DACH1: variants seen among roughly 807,000 people sequenced by gnomAD.
The protein encoded by DACH1 is dachshund homolog 1.
DACH1 carries 12 observed loss-of-function variants against 54.2 expected under a neutral mutation model. The observed-to-expected ratio is 0.22, with a 90% CI of 0.14 to 0.36. DACH1 has a LOEUF of 0.36. Among genes scored for constraint, DACH1 ranks in the 10% least tolerant of loss-of-function variants. The pLI, the probability that DACH1 is intolerant of heterozygous loss-of-function variation, is 1.00. For synonymous variants in DACH1, 386 were observed against 366.2 expected, an observed-to-expected ratio of 1.05 and a Z score of -0.62; for missense variants, 805 against 929.8, an observed-to-expected ratio of 0.87 and a Z score of 1.75.
Position 71,484,393 on chromosome 13 carries a change from C to A in DACH1, c.1722+4604G>T, listed in dbSNP as rs187451517. On this transcript the variant is annotated intron_variant, in intron 7 of 10. Coordinates refer to ENST00000613252, the MANE Select transcript of DACH1 (RefSeq NM_080759.6). ...TGTTTCTCAGGCTGGTCTCAAACTCCTGGCCTCAAGTGGTCTTATTGCCTC... is the reference window on the plus strand; with the variant it reads ...TGTTTCTCAGGCTGGTCTCAAACTCATGGCCTCAAGTGGTCTTATTGCCTC... 6.0e-4 allele frequency among the ~76,000 whole-genome samples: 92 copies of A among 152,270 alleles called. 1 individual carries two copies. The highest frequency in any genetic ancestry group is 5.6e-3 in the Admixed American group (86 of 15,298).
chr13:71,785,412 T>C (rs1318235113), intron 1 of DACH1, among the ~76,000 whole-genome samples: 10 of 152,216 alleles, frequency 6.6e-5, no homozygotes, highest in Admixed American at 3.3e-4. Flanking sequence ...CGTATTCAAA[T>C]GTATATTATG....
chr13:71,770,280 C>T (rs1885799596), intron 1 of DACH1, among the ~76,000 whole-genome samples: 1 of 151,638 alleles, frequency 6.6e-6, no homozygotes, highest in South Asian at 2.1e-4. Flanking sequence ...ATGAAATCTT[C>T]ACACTCACCG....
chr13:71,855,828 A>G (rs1179110879), intron 1 of DACH1, among the ~76,000 whole-genome samples: 1 of 151,978 alleles, frequency 6.6e-6, no homozygotes, highest in East Asian at 1.9e-4. Flanking sequence ...TGTTATTACA[A>G]GGAAAAGGTC....
rs114102344 is a variant in DACH1, at chr13:71,553,790, T to C, written c.1570+3234A>G. 5.1e-3 allele frequency among the ~76,000 whole-genome samples: 767 copies of C among 151,378 alleles called. 7 individuals carry two copies. Among genetic ancestry groups the C allele is most frequent in the African/African-American group, 0.017 (707 of 41,368 alleles). ...AAACCTCTGGTCCTTCAACTAATGG[T>C]GACTTAATTTTTTGGGCTAATAGAA... On this transcript the variant is annotated intron_variant, in intron 6 of 10. Transcript: ENST00000613252.
At chr13:71,766,977 G>A (rs1207973916) in intron 1 of DACH1, among the ~76,000 whole-genome samples, 1 of 151,934 alleles carries the variant, frequency 6.6e-6, no homozygotes, top group Non-Finnish European at 1.5e-5. Context: ...GAGAGGTCTT[G>A]TTTTCCTAGT....
At chr13:71,456,619 C>T (rs369207408) in intron 10 of DACH1, among the ~76,000 whole-genome samples, 22 of 152,094 alleles carry the variant, frequency 1.4e-4, no homozygotes, top group South Asian at 4.1e-4. Context: ...TGCACTTGGA[C>T]GATAGCAAAC....
intron 1 of DACH1, among the ~76,000 whole-genome samples, chr13:71,780,099 G>C (rs1460939103): frequency 6.6e-6 from 1 of 152,108 alleles, no homozygotes; most frequent in Non-Finnish European, 1.5e-5. Flanking sequence ...ATTACTGGGG[G>C]ATAAGGGTCA....
intron 3 of DACH1, among the ~76,000 whole-genome samples, chr13:71,629,013 A>G (rs776491812): frequency 2.0e-5 from 3 of 152,140 alleles, no homozygotes; most frequent in East Asian, 1.9e-4. Context: ...TTGTTTTGTA[A>G]TAATAGATAT....
In DACH1 at chr13:71,866,345, C is replaced by G; in HGVS notation, c.425G>C (p.Ser142Thr). The part of the protein sequence containing the change: ...TPINASTGSS[S>T]SSSSSSSSSS... ...GCTGCTGCTGCTGCTACTGCTGCTG[C>G]TGCTGCTGCCGGTGCTGGCGTTGAT... is the stretch of plus-strand genomic sequence containing the variant. Residue 142 changes from serine (S) to threonine (T), a missense_variant, in exon 1 of 11, where the codon AGC (serine) becomes ACC (threonine). Physicochemically the swap from Ser to Thr is moderately conservative, Grantham distance 58. Coordinates refer to ENST00000613252, the MANE Select transcript of DACH1 (RefSeq NM_080759.6). 6.5e-7 allele frequency: 1 copy of G among 1,534,862 alleles called. No homozygotes were observed. The highest frequency in any genetic ancestry group is 8.8e-7 in the Non-Finnish European group (1 of 1,141,100).
At chr13:71,799,471 T>G (rs182075019) in intron 1 of DACH1, among the ~76,000 whole-genome samples, 74 of 152,290 alleles carry the variant, frequency 4.9e-4, no homozygotes, top group African/African-American at 1.5e-3. Context: ...TGCTGTACAC[T>G]GCAGCAATGT....
chr13:71,529,066 A>G (rs1251176922), intron 6 of DACH1, among the ~76,000 whole-genome samples: 1 of 152,092 alleles, frequency 6.6e-6, no homozygotes, highest in Non-Finnish European at 1.5e-5. Flanking sequence ...TGAAACTGGG[A>G]GTATGGTAAC....
At chr13:71,748,922 TTC>T (rs1884784532) in intron 1 of DACH1, among the ~76,000 whole-genome samples, 3 of 47,030 alleles carry the variant, frequency 6.4e-5, no homozygotes, top group Non-Finnish European at 2.6e-4. Flanking sequence ...CTTTCTTTCT[TTC>T]TTTCTTTCTT....
At position 71,781,448 on chromosome 13, in the gene DACH1, G is replaced by T. The variant is rs924239991; in HGVS notation, c.848+84474C>A. On this transcript the variant is annotated intron_variant, in intron 1 of 10. Coordinates refer to ENST00000613252, the MANE Select transcript of DACH1 (RefSeq NM_080759.6). ...GGCTGGAGTGCAGTGGCACCATCTC[G>T]GCTCACTGCAAGCTCTGCCTCCTGG... Among the ~76,000 whole-genome samples, 4 of 150,836 alleles carry T rather than the reference G, an allele frequency of 2.7e-5. No individual in the cohort carries two copies. In the South Asian group the frequency reaches 8.4e-4, roughly 32 times the overall value.
At chr13:71,656,666 T>C (rs985221357) in intron 2 of DACH1, among the ~76,000 whole-genome samples, 1 of 151,806 alleles carries the variant, frequency 6.6e-6, no homozygotes, top group Admixed American at 6.6e-5. Flanking sequence ...TCATCCTATC[T>C]CTATAATGCT....
chr13:71,477,358 T>A (rs1016470705), intron 8 of DACH1, among the ~76,000 whole-genome samples: 4 of 151,646 alleles, frequency 2.6e-5, no homozygotes, highest in African/African-American at 7.3e-5. Flanking sequence ...CCTGACCTCA[T>A]GATCCACCCG....
intron 1 of DACH1, among the ~76,000 whole-genome samples, chr13:71,708,421 T>C (rs1263383370): frequency 6.6e-6 from 1 of 152,158 alleles, no homozygotes. Context: ...TATAATTTCA[T>C]TTTTTCAAAT....
chr13:71,824,661 T>G (rs565742614), intron 1 of DACH1, among the ~76,000 whole-genome samples: 1 of 152,152 alleles, frequency 6.6e-6, no homozygotes, highest in East Asian at 1.9e-4. Context: ...TTCTTCTGCT[T>G]TGGAAAATAA....
intron 1 of DACH1, among the ~76,000 whole-genome samples, chr13:71,800,067 G>A (rs770182650): frequency 2.4e-4 from 36 of 152,092 alleles, no homozygotes; most frequent in African/African-American, 8.4e-4. Flanking sequence ...CTTAATTTTG[G>A]CCTTTCCGCT....
intron 1 of DACH1, among the ~76,000 whole-genome samples, chr13:71,818,735 G>A (rs1027310005): frequency 2.0e-5 from 3 of 152,154 alleles, no homozygotes; most frequent in African/African-American, 7.2e-5. Flanking sequence ...CAAACAAAAA[G>A]GTAAAGTAAA....
Sources: allele counts gnomAD v4.1 joint callset (sites outside exome capture counted in the v4.1 genomes callset), GRCh38; gene constraint gnomAD v4.1.1; transcripts MANE v1.5; gene names NCBI Gene and HGNC (gene_info 2026-07-23, HGNC 2026-07-21).